Variants in DHX37 observed in about 807,000 individuals in gnomAD.
DHX37 encodes probable ATP-dependent RNA helicase DHX37.
DHX37 carries 52 observed loss-of-function variants against 134.3 expected under a neutral mutation model. The observed-to-expected ratio is 0.39, with a 90% CI of 0.31 to 0.49. The LOEUF is 0.49. Ranked by LOEUF, DHX37 falls within the 20% of genes least tolerant of loss-of-function variation. The pLI is 0.93. For missense variants in DHX37, 1,344 were observed against 1,580.8 expected, an observed-to-expected ratio of 0.85 and a Z score of 2.54; for synonymous variants, 634 against 670.7, an observed-to-expected ratio of 0.95 and a Z score of 0.85.
At chr12:124,956,418 A>T (rs1006036442) in intron 18 of DHX37, among the ~76,000 whole-genome samples, 4 of 152,250 alleles carry the variant, frequency 2.6e-5, no homozygotes, top group African/African-American at 9.6e-5. Flanking sequence ...GTCATAATCT[A>T]TAAGTAAATT....
chr12:124,986,256 G>C lies in DHX37; in HGVS notation c.116C>G (p.Thr39Arg). Residue 39 changes from threonine to arginine, a missense_variant, in exon 2 of 27, where the codon ACG (threonine) becomes AGG (arginine). Thr to Arg is a moderately conservative substitution (Grantham distance 71, BLOSUM62 -1). Transcript: ENST00000308736. ...GTTGCTTGCATCAACTCCCTTCAAC[G>C]TGTCCTTGTCTGAGAGAGCACAGTT... Reference protein sequence around the residue: ...PVQLELEDKDTLKGVDASNAL... With the variant: ...PVQLELEDKDRLKGVDASNAL... 1 of 1,613,626 alleles carries C rather than the reference G, an allele frequency of 6.2e-7. No individual in the cohort carries two copies. Among genetic ancestry groups the C allele is most frequent in the Non-Finnish European group, 8.5e-7 (1 of 1,179,956 alleles).
At position 124,982,624 on chromosome 12, in the gene DHX37, C is replaced by T; in HGVS notation, c.277-1G>A. The T allele has an allele frequency of 6.2e-7, 1 of 1,612,806 alleles. No individual in the cohort carries two copies. ...TCAGCTTCTGTAGCATCTCTGCTCGCTGGGAAAGGAAACGAGTGTATTATG... is the reference window on the plus strand; with the variant it reads ...TCAGCTTCTGTAGCATCTCTGCTCGTTGGGAAAGGAAACGAGTGTATTATG... On this transcript the variant is annotated splice_acceptor_variant, in intron 2 of 26. Transcript: ENST00000308736. LOFTEE classifies it high-confidence loss of function.
intron 16 of DHX37, 51 bp from the exon 17 acceptor site, chr12:124,957,186 C>G: frequency 6.9e-7 from 1 of 1,442,326 alleles, no homozygotes. Context: ...AAGAACAAGT[C>G]CGGTGCTCCT....
chr12:124,987,702 G>T (rs1343871640), intron 1 of DHX37, among the ~76,000 whole-genome samples: 1 of 152,158 alleles, frequency 6.6e-6, no homozygotes, highest in Admixed American at 6.5e-5. Context: ...GCTACTACAG[G>T]TTAAATATCC....
At chr12:124,952,309 C>T in intron 21 of DHX37, 89 bp downstream of exon 21, 1 of 1,393,488 alleles carries the variant, frequency 7.2e-7, no homozygotes. Context: ...TGAGAGGGAA[C>T]AAGCCTCCCC....
chr12:124,982,061 T>C (rs2135969000), intron 3 of DHX37, among the ~76,000 whole-genome samples: 1 of 149,884 alleles, frequency 6.7e-6, no homozygotes, highest in Admixed American at 6.7e-5. Context: ...AGGTGGAGGT[T>C]GCGGTAAGCT....
In DHX37 at chr12:124,949,496, CAGG is replaced by C. The variant is rs1417389057; in HGVS notation, c.3290+487_3290+489del. Reference sequence around the variant, plus strand: ...TTAGCTGGGAGGAAGTCCCCAGGGCCAGGAGGGCAGGATGCCTCCCACTGACAC... The same window carrying C: ...TTAGCTGGGAGGAAGTCCCCAGGGCCAGGGCAGGATGCCTCCCACTGACAC... On this transcript the variant is annotated intron_variant, in intron 25 of 26. Coordinates refer to ENST00000308736, the MANE Select transcript of DHX37 (RefSeq NM_032656.4). This position sits in a 1 kb window ranked among gnomAD's most constrained non-coding sequence, Gnocchi z 4.0. Among the ~76,000 whole-genome samples the C allele has an allele frequency of 8.5e-5, 13 of 152,090 alleles. No individual in the cohort carries two copies. The highest frequency in any genetic ancestry group is 2.0e-4 in the Admixed American group (3 of 15,282).
At chr12:124,959,092 G>T (rs1158243168) in intron 16 of DHX37, among the ~76,000 whole-genome samples, 1 of 99,632 alleles carries the variant, frequency 1.0e-5, no homozygotes, top group African/African-American at 8.7e-5. Context: ...TTTTTTTTTG[G>T]AGACGGAGTC....
In DHX37 at chr12:124,950,243, T is replaced by A. The variant is rs927709664; in HGVS notation, c.3122A>T (p.Tyr1041Phe). The change falls in exon 24 of 27, where the codon TAT becomes TTT. Residue 1041 changes from tyrosine to phenylalanine, a missense_variant and splice_region_variant. This residue lies in a region of DHX37 where 558 missense variants were observed against 650.0 expected (regional missense o/e 0.86). Transcript: ENST00000308736. ...GGCGGGGAGCGGCCAGCCCACGCGATCTAGAAGGTGGGAGCCAGTGAGACA... is the reference window on the plus strand; with the variant it reads ...GGCGGGGAGCGGCCAGCCCACGCGAACTAGAAGGTGGGAGCCAGTGAGACA... ...RVLCHRASVFYRVGWPLPAIE... is the reference protein window; with the variant it reads ...RVLCHRASVFFRVGWPLPAIE... 1.1e-5 allele frequency: 17 copies of A among 1,613,464 alleles called. No homozygotes were observed. Among genetic ancestry groups the A allele is most frequent in the Non-Finnish European group, 1.4e-5 (17 of 1,179,984 alleles).
intron 26 of DHX37, 23 bp downstream of exon 26, chr12:124,948,061 C>G (rs532615913): frequency 3.7e-6 from 6 of 1,614,252 alleles, no homozygotes; most frequent in Non-Finnish European, 5.1e-6. Context: ...CTACTCCCAC[C>G]CCCTGGCCCT....
chr12:124,985,673 G>A (rs1276513688), intron 2 of DHX37, among the ~76,000 whole-genome samples: 1 of 150,526 alleles, frequency 6.6e-6, no homozygotes, highest in African/African-American at 2.4e-5. Context: ...CTTGATACCA[G>A]GAGAACCCAA....
chr12:124,986,102 C>A lies in DHX37; in HGVS notation c.270G>T (p.Lys90Asn). The change falls in exon 2 of 27, where the codon AAG (lysine) becomes AAT (asparagine). Residue 90 changes from lysine (K) to asparagine (N), a missense_variant. Transcript: ENST00000308736. The part of the protein sequence containing the change: ...LQKILEQKEK[K>N]SQRAEMLQKL... ...CTGCCCGAGTGGGGTGTACCTGGCTCTTTTTCTCCTTCTGTTCTAAGATTT... is the reference window on the plus strand; with the variant it reads ...CTGCCCGAGTGGGGTGTACCTGGCTATTTTTCTCCTTCTGTTCTAAGATTT... 1.9e-6 allele frequency: 3 copies of A among 1,613,872 alleles called. No homozygotes were observed. The highest frequency in any genetic ancestry group is 1.7e-6 in the Non-Finnish European group (2 of 1,180,002).
In DHX37 at chr12:124,965,581, C is replaced by T. The variant is rs565420524; in HGVS notation, c.1735+87G>A. 397 of 1,464,036 alleles carry T rather than the reference C, an allele frequency of 2.7e-4. 3 individuals carry two copies. In the African/African-American group the frequency reaches 3.5e-3, roughly 13 times the overall value. 90.7% of individuals were successfully genotyped at this position (1,464,036 alleles called of 1,614,324 possible). A position where few individuals can be genotyped will look rare whatever the true frequency, so the allele number is the denominator to read the frequency against. ...ATCGGGGACAAAGCTGCTAGAACCC[C>T]GGCCCCCGGGGGGCCCACAAGGGCT... On this transcript the variant is annotated intron_variant, in intron 13 of 26. Coordinates refer to ENST00000308736, the MANE Select transcript of DHX37 (RefSeq NM_032656.4).
At chr12:124,953,838 G>A (rs1954024671) in intron 20 of DHX37, 42 bp downstream of exon 20, 1 of 1,600,882 alleles carries the variant, frequency 6.2e-7, no homozygotes, top group Non-Finnish European at 8.5e-7. Flanking sequence ...CCCAGGTCAG[G>A]TTGCCCGCCG....
At position 124,982,216 on chromosome 12, in the gene DHX37, C is replaced by T. The variant is rs573153802; in HGVS notation, c.389+295G>A. On this transcript the variant is annotated intron_variant, in intron 3 of 26. Transcript: ENST00000308736. ...TTGACCACCTAATGGCAATTTCTGG[C>T]CTAATCAGCTGCACAAAAGCTGGAA... is the stretch of plus-strand genomic sequence containing the variant. 5.3e-5 allele frequency among the ~76,000 whole-genome samples: 8 copies of T among 152,178 alleles called. No homozygotes were observed. The South Asian group carries it at 1.7e-3, about 32-fold the overall frequency.
At chr12:124,977,043 C>T (rs898615365) in intron 5 of DHX37, among the ~76,000 whole-genome samples, 1 of 75,234 alleles carries the variant, frequency 1.3e-5, no homozygotes, top group Non-Finnish European at 2.4e-5. Flanking sequence ...GAGACGCTGT[C>T]TCAAAAAAAA....
At position 124,980,617 on chromosome 12, in the gene DHX37, G is replaced by A; in HGVS notation, c.611C>T (p.Ala204Val). The change falls in exon 4 of 27, where the codon GCA becomes GTA. Residue 204 changes from alanine to valine, a missense_variant. Ala to Val is a moderately conservative substitution (Grantham distance 64). Around this residue, in one of 7 missense-constraint regions of DHX37, gnomAD observed 319 missense variants for 296.1 expected, o/e 1.08. Coordinates refer to ENST00000308736, the MANE Select transcript of DHX37 (RefSeq NM_032656.4). The surrounding 1 kb of genome is among the most constrained non-coding windows in gnomAD (Gnocchi z 5.3). ...TTVAPLPPAP[A>V]PSSQPVPAGM... ...AGCCGGCACGGGCTGACTGCTGGGT[G>A]CTGGAGCTGGCGGCAGAGGTGCCAC... is the stretch of plus-strand genomic sequence containing the variant. 1 of 1,609,312 alleles carries A rather than the reference G, an allele frequency of 6.2e-7. No homozygotes were observed. The highest frequency in any genetic ancestry group is 8.5e-7 in the Non-Finnish European group (1 of 1,179,614).
At chr12:124,983,579 G>A (rs1359604712) in intron 2 of DHX37, among the ~76,000 whole-genome samples, 2 of 151,836 alleles carry the variant, frequency 1.3e-5, no homozygotes, top group African/African-American at 4.8e-5. Context: ...GAGGTCAGGA[G>A]TTCAAGACCA....
chr12:124,953,752 G>T lies in DHX37; in HGVS notation c.2695+128C>A, dbSNP rs957463925. The T allele has an allele frequency of 1.3e-5, 18 of 1,415,032 alleles. No individual in the cohort carries two copies. The East Asian group carries it at 1.8e-4, about 14-fold the overall frequency. 87.7% of individuals were successfully genotyped at this position (1,415,032 alleles called of 1,614,324 possible). A position where few individuals can be genotyped will look rare whatever the true frequency, so the allele number is the denominator to read the frequency against. Reference sequence around the variant, plus strand: ...AAAGCTCCCCAAGTATTGATTTAGGGTTATAAATACATTTTGGTGCGTAGC... The same window carrying T: ...AAAGCTCCCCAAGTATTGATTTAGGTTTATAAATACATTTTGGTGCGTAGC... On this transcript the variant is annotated intron_variant, in intron 20 of 26. Coordinates refer to ENST00000308736, the MANE Select transcript of DHX37 (RefSeq NM_032656.4).
Sources: gnomAD v4.1 joint callset for allele counts (sites outside exome capture counted in the v4.1 genomes callset) on GRCh38, gnomAD v4.1.1 for gene constraint, gnomAD v4.1.1 regional missense constraint, Gnocchi (gnomAD v3.1) non-coding constraint, MANE v1.5 for transcripts, NCBI Gene and HGNC (gene_info 2026-07-23, HGNC 2026-07-21) for gene names.